The following ECT2L variants were observed in gnomAD, a reference collection of about 807,000 sequenced individuals.
ECT2L encodes epithelial cell-transforming sequence 2 oncogene-like.
ECT2L carries 126 observed loss-of-function variants against 122.8 expected under a neutral mutation model. The ratio of observed to expected loss-of-function variants is 1.03; its 90% CI spans 0.89 to 1.19. The LOEUF (loss-of-function observed/expected upper bound fraction) is 1.19. Ranked by LOEUF, ECT2L falls within the 50% of genes most tolerant of loss-of-function variation. The probability of loss-of-function intolerance (pLI) is 0.00; values close to 1 mark genes in which losing one functional copy is unlikely to be tolerated. For missense variants in ECT2L, 1,012 were observed against 1,064.1 expected (o/e 0.95, Z 0.68); for synonymous variants, 385 against 381.8 (o/e 1.01, Z -0.10).
intron 15 of ECT2L, among the ~76,000 whole-genome samples, chr6:138,882,334 G>C (rs957383151): frequency 1.3e-5 from 2 of 152,170 alleles, no homozygotes; most frequent in Admixed American, 1.3e-4. Context: ...GAGCTCTGGG[G>C]AACTGAGCTA....
chr6:138,834,116 A>G (rs375080206), intron 4 of ECT2L, among the ~76,000 whole-genome samples: 11 of 152,240 alleles, frequency 7.2e-5, no homozygotes, highest in African/African-American at 2.7e-4. Context: ...TTTGCAAAGT[A>G]CACATTGTAC....
rs1188373559 is a variant in ECT2L, at chr6:138,881,169, C to T, written c.1878C>T (p.Asn626=). 6.2e-7 allele frequency: 1 copy of T among 1,613,410 alleles called. No homozygotes were observed. Among genetic ancestry groups the T allele is most frequent in the Non-Finnish European group, 8.5e-7 (1 of 1,179,566 alleles). ...FCDILQILSL[N]RQFLDNLRDR... Reference sequence around the variant, plus strand: ...ACATTCTACAGATTTTAAGTCTCAACAGGTAAACCCTGAATATGTATTTTT... The same window carrying T: ...ACATTCTACAGATTTTAAGTCTCAATAGGTAAACCCTGAATATGTATTTTT... The change falls in exon 15 of 22, where the codon AAC becomes AAT. Residue 626 remains asparagine, a splice_region_variant and synonymous_variant. Coordinates refer to ENST00000541398, the MANE Select transcript of ECT2L (RefSeq NM_001077706.3).
chr6:138,819,232 TAAAAAAAAA>T (rs772350044), intron 4 of ECT2L, among the ~76,000 whole-genome samples: 1 of 46,532 alleles, frequency 2.1e-5, no homozygotes, highest in Non-Finnish European at 3.8e-5. Context: ...GGATGATGCT[TAAAAAAAAA>T]AAAAAAAAAA....
rs745936799 is a variant in ECT2L at position 138,888,940 on chromosome 6, C to T, written c.2326-3C>T. The T allele has an allele frequency of 2.1e-6, 3 of 1,416,484 alleles. No homozygotes were observed. Among genetic ancestry groups the T allele is most frequent in the Non-Finnish European group, 1.9e-6 (2 of 1,070,546 alleles). 87.7% of individuals were successfully genotyped at this position (1,416,484 alleles called of 1,614,324 possible). On this transcript the variant is annotated splice_polypyrimidine_tract_variant and splice_region_variant and intron_variant, in intron 19 of 21. Coordinates refer to ENST00000541398, the MANE Select transcript of ECT2L (RefSeq NM_001077706.3). ...ACTTCTAATTTTGTTTTTGATTTTACAGACTCTATCAGAAGTAAACAGATA... is the reference window on the plus strand; with the variant it reads ...ACTTCTAATTTTGTTTTTGATTTTATAGACTCTATCAGAAGTAAACAGATA...
chr6:138,893,456 T>G (rs1779108908), intron 20 of ECT2L, among the ~76,000 whole-genome samples: 1 of 152,056 alleles, frequency 6.6e-6, no homozygotes, highest in African/African-American at 2.4e-5. Context: ...GGTCTCACTC[T>G]TTCACCCAGA....
intron 3 of ECT2L, among the ~76,000 whole-genome samples, chr6:138,814,189 A>G (rs1336910374): frequency 2.0e-5 from 3 of 152,204 alleles, no homozygotes; most frequent in African/African-American, 7.2e-5. Context: ...AGGTAGAAAC[A>G]AGATCCAGGA....
chr6:138,865,202 T>C (rs547207386), intron 12 of ECT2L, 24 bp downstream of exon 12: 1 of 1,572,290 alleles, frequency 6.4e-7, no homozygotes, highest in East Asian at 2.3e-5. Flanking sequence ...CTACTTCTGT[T>C]GCAGGTTAAT....
At chr6:138,892,601 C>G (rs1247981120) in intron 20 of ECT2L, among the ~76,000 whole-genome samples, 1 of 152,164 alleles carries the variant, frequency 6.6e-6, no homozygotes, top group African/African-American at 2.4e-5. Flanking sequence ...TCCAGCAATT[C>G]TCCTGCCTCA....
intron 20 of ECT2L, among the ~76,000 whole-genome samples, chr6:138,889,706 T>G (rs1778952708): frequency 6.6e-6 from 1 of 152,214 alleles, no homozygotes; most frequent in Non-Finnish European, 1.5e-5. Context: ...ACCAATTTAT[T>G]ATCCTCAGAT....
intron 1 of ECT2L, among the ~76,000 whole-genome samples, chr6:138,805,610 C>T (rs1164183707): frequency 6.6e-6 from 1 of 152,136 alleles, no homozygotes; most frequent in Non-Finnish European, 1.5e-5. Flanking sequence ...TTAGTTGCAA[C>T]TGAAATATCC....
intron 18 of ECT2L, among the ~76,000 whole-genome samples, chr6:138,886,457 G>T (rs369622290): frequency 9.9e-5 from 15 of 152,052 alleles, no homozygotes; most frequent in East Asian, 9.6e-4. Context: ...ACCAAGGCTT[G>T]AGTGTAGTGG....
intron 14 of ECT2L, among the ~76,000 whole-genome samples, chr6:138,879,600 CACA>C (rs1204729241): frequency 6.6e-6 from 1 of 152,038 alleles, no homozygotes; most frequent in African/African-American, 2.4e-5. Context: ...ACATAGCACA[CACA>C]ACATCAGGGT....
chr6:138,887,032 G>C, intron 19 of ECT2L, 110 bp downstream of exon 19: 2 of 866,502 alleles, frequency 2.3e-6, no homozygotes, highest in African/African-American at 1.7e-5. Context: ...TGGAATGCCT[G>C]CTACGTGCCA....
intron 20 of ECT2L, among the ~76,000 whole-genome samples, chr6:138,890,126 A>C (rs910791163): frequency 6.6e-6 from 1 of 152,218 alleles, no homozygotes; most frequent in Non-Finnish European, 1.5e-5. Flanking sequence ...CTATGAATAA[A>C]ATAGAAATAA....
chr6:138,849,995 C>T (rs1777377119), intron 9 of ECT2L, among the ~76,000 whole-genome samples: 1 of 152,022 alleles, frequency 6.6e-6, no homozygotes, highest in Non-Finnish European at 1.5e-5. Flanking sequence ...TTCCATCTTG[C>T]AAAACTGAAA....
chr6:138,833,409 A>G (rs1192572102), intron 4 of ECT2L, among the ~76,000 whole-genome samples: 1 of 152,002 alleles, frequency 6.6e-6, no homozygotes, highest in East Asian at 1.9e-4. Context: ...TTTAGGAAAA[A>G]CCCCTAGAAG....
In ECT2L at chr6:138,853,044, T is replaced by C. The variant is rs143750602; in HGVS notation, c.1070-982T>C. Reference sequence around the variant, plus strand: ...GTACAGCGGCACGATCTTGGCTCACTGCAACCTCCACCTCCTGGGTTCAAG... The same window carrying C: ...GTACAGCGGCACGATCTTGGCTCACCGCAACCTCCACCTCCTGGGTTCAAG... On this transcript the variant is annotated intron_variant, in intron 9 of 21. Transcript: ENST00000541398. 3.8e-3 allele frequency among the ~76,000 whole-genome samples: 579 copies of C among 152,326 alleles called. 7 individuals are homozygous for C. Among genetic ancestry groups the C allele is most frequent in the Non-Finnish European group, 2.7e-3 (185 of 68,026 alleles).
chr6:138,844,153 AT>A (rs1376698074), intron 6 of ECT2L, among the ~76,000 whole-genome samples: 2 of 152,218 alleles, frequency 1.3e-5, no homozygotes, highest in Non-Finnish European at 2.9e-5. Context: ...CTATCAATTG[AT>A]TAACTGGTCC....
At chr6:138,810,714 C>T (rs886249062) in intron 1 of ECT2L, among the ~76,000 whole-genome samples, 2 of 152,054 alleles carry the variant, frequency 1.3e-5, no homozygotes, top group Non-Finnish European at 2.9e-5. Context: ...AAGAATGGGA[C>T]TATCTATTGC....
Sources: allele counts gnomAD v4.1 joint callset (sites outside exome capture counted in the v4.1 genomes callset), GRCh38; gene constraint gnomAD v4.1.1; transcripts MANE v1.5; gene names NCBI Gene and HGNC (gene_info 2026-07-23, HGNC 2026-07-21).